The following NUP155 variants were observed in gnomAD, a reference collection of about 807,000 sequenced individuals.
NUP155 encodes nucleoporin 155.
A neutral mutation model predicts 180.4 loss-of-function variants in NUP155; 71 were observed. That is an observed-to-expected ratio of 0.39 (90% CI 0.33 to 0.48). The LOEUF (loss-of-function observed/expected upper bound fraction) is 0.48, where lower values mean the gene tolerates loss of function less well. Among genes scored for constraint, NUP155 ranks in the 20% least tolerant of loss-of-function variants. The pLI is 0.91. For missense variants in NUP155, 1,553 were observed against 1,648.9 expected, an observed-to-expected ratio of 0.94 and a Z score of 1.01; for synonymous variants, 582 against 559.5, an observed-to-expected ratio of 1.04 and a Z score of -0.57.
intron 9 of NUP155, among the ~76,000 whole-genome samples, chr5:37,346,758 A>G (rs1746119030): frequency 6.6e-6 from 1 of 152,146 alleles, no homozygotes; most frequent in Non-Finnish European, 1.5e-5. Context: ...GATTGTCTGA[A>G]GACTTGGCTT....
At chr5:37,350,295 TA>T in intron 6 of NUP155, 30 bp from the exon 7 acceptor site, 1 of 1,424,650 alleles carries the variant, frequency 7.0e-7, no homozygotes, top group Non-Finnish European at 9.9e-7. Context: ...AGACGACTTA[TA>T]AAAGTATGTA....
chr5:37,334,881 TCGG>T (rs1745217145), intron 12 of NUP155, among the ~76,000 whole-genome samples: 1 of 152,126 alleles, frequency 6.6e-6, no homozygotes, highest in African/African-American at 2.4e-5. Flanking sequence ...TTTTACTGGC[TCGG>T]CGAGGTGGCT....
In NUP155 at chr5:37,307,362, C is replaced by A; in HGVS notation, c.2838G>T (p.Gly946=). The A allele has an allele frequency of 6.2e-7, 1 of 1,613,910 alleles. No homozygotes were observed. Among genetic ancestry groups the A allele is most frequent in the South Asian group, 1.1e-5 (1 of 91,070 alleles). ...GTTCTCCATGTTTATAGAAATGAAG[C>A]CCAAGACCTTGAGGATCTTTTTTCT... The part of the protein sequence containing the change: ...AAEKKDPQGL[G]LHFYKHGEPE... The change falls in exon 25 of 35, where the codon GGG becomes GGT. Residue 946 remains glycine, a synonymous_variant. Transcript: ENST00000231498.
chr5:37,357,980 G>GA, intron 4 of NUP155, 101 bp downstream of exon 4: 1 of 824,178 alleles, frequency 1.2e-6, no homozygotes, highest in Non-Finnish European at 2.1e-6. Flanking sequence ...TCGATGGAAC[G>GA]AGACTCCATC....
intron 20 of NUP155, among the ~76,000 whole-genome samples, chr5:37,319,408 T>G (rs1250801695): frequency 1.3e-5 from 2 of 152,182 alleles, no homozygotes; most frequent in South Asian, 4.1e-4. Context: ...GTTATAGGAA[T>G]CCAAGGGTTG....
intron 4 of NUP155, 49 bp downstream of exon 4, chr5:37,358,032 G>A (rs777303239): frequency 2.2e-5 from 27 of 1,253,416 alleles, no homozygotes; most frequent in Non-Finnish European, 2.8e-5. Flanking sequence ...ATACCATTTG[G>A]AGTTTACATA....
At chr5:37,369,250 CA>C (rs756394343) in intron 1 of NUP155, among the ~76,000 whole-genome samples, 1 of 148,928 alleles carries the variant, frequency 6.7e-6, no homozygotes, top group Non-Finnish European at 1.5e-5. Flanking sequence ...GACCTTGACT[CA>C]AAAAAAAAGA....
rs1405851508 is a variant in NUP155 at position 37,290,011 on chromosome 5, T to G, written c.*1889A>C. On this transcript the variant is annotated 3_prime_UTR_variant, in exon 35 of 35. Coordinates refer to ENST00000231498, the MANE Select transcript of NUP155 (RefSeq NM_153485.3). Reference sequence around the variant, plus strand: ...CTATTAAATATTCTACATTAGAAGATTATAGGGAAAAGGGAGCTGAATTCT... The same window carrying G: ...CTATTAAATATTCTACATTAGAAGAGTATAGGGAAAAGGGAGCTGAATTCT... 6.6e-6 allele frequency: 1 copy of G among 152,134 alleles called. No homozygotes were observed. The highest frequency in any genetic ancestry group is 6.5e-5 in the Admixed American group (1 of 15,272). 9.4% of individuals were successfully genotyped at this position (152,134 alleles called of 1,614,324 possible). A position where few individuals can be genotyped will look rare whatever the true frequency, so the allele number is the denominator to read the frequency against.
Position 37,298,989 on chromosome 5 carries a change from A to T in NUP155, c.3683-11T>A. On this transcript the variant is annotated splice_polypyrimidine_tract_variant and intron_variant, in intron 31 of 34. Transcript: ENST00000231498. ...CACTGTCACTCAATTCTGTAACAAA[A>T]AGACATGTCATTTGAAACCCAAATT... 2.0e-6 allele frequency: 3 copies of T among 1,488,898 alleles called. No individual in the cohort carries two copies. The highest frequency in any genetic ancestry group is 2.8e-6 in the Non-Finnish European group (3 of 1,066,150). 92.2% of individuals were successfully genotyped at this position (1,488,898 alleles called of 1,614,324 possible).
chr5:37,343,239 TA>T (rs1180526327), intron 9 of NUP155, among the ~76,000 whole-genome samples: 2 of 151,982 alleles, frequency 1.3e-5, no homozygotes, highest in African/African-American at 2.4e-5. Context: ...CACACCTGGC[TA>T]ATTTTTTGTA....
At chr5:37,369,965 C>T (rs1309610329) in intron 1 of NUP155, among the ~76,000 whole-genome samples, 1 of 152,198 alleles carries the variant, frequency 6.6e-6, no homozygotes, top group Non-Finnish European at 1.5e-5. Context: ...ACATATTCTG[C>T]CTTACTCTCC....
intron 1 of NUP155, among the ~76,000 whole-genome samples, chr5:37,369,834 A>G (rs1296104446): frequency 6.6e-6 from 1 of 152,176 alleles, no homozygotes; most frequent in Non-Finnish European, 1.5e-5. Flanking sequence ...GTTTTCTCCA[A>G]ATTCCATCTC....
chr5:37,342,472 CTAA>C (rs1581186948), intron 10 of NUP155, 74 bp downstream of exon 10: 1 of 868,534 alleles, frequency 1.2e-6, no homozygotes, highest in East Asian at 2.6e-5. Flanking sequence ...AAATATATTT[CTAA>C]TAATAAATTT....
intron 13 of NUP155, 25 bp from the exon 14 acceptor site, chr5:37,331,820 G>T: frequency 1.4e-6 from 2 of 1,404,594 alleles, no homozygotes; most frequent in South Asian, 1.1e-5. Flanking sequence ...GAAAGAACAT[G>T]AACAAGAGAT....
chr5:37,310,325 CAAAT>C (rs999328746), intron 23 of NUP155, among the ~76,000 whole-genome samples: 5 of 151,962 alleles, frequency 3.3e-5, no homozygotes, highest in African/African-American at 1.2e-4. Context: ...AACCCTGTGT[CAAAT>C]AAATAAATAA....
intron 3 of NUP155, among the ~76,000 whole-genome samples, chr5:37,359,614 A>G (rs1212977796): frequency 1.3e-5 from 2 of 152,158 alleles, no homozygotes; most frequent in African/African-American, 4.8e-5. Context: ...AGACATGCCC[A>G]TTTCTAAGAA....
chr5:37,293,276 A>C (rs933250613), intron 33 of NUP155: 2 of 302,200 alleles, frequency 6.6e-6, no homozygotes, highest in Non-Finnish European at 1.2e-5. Flanking sequence ...TAAGAGAAAA[A>C]TCTTTCTTTC....
Position 37,305,117 on chromosome 5 carries a change from AG to A in NUP155, c.2996del (p.Pro999LeufsTer13). Reference sequence around the variant, plus strand: ...GATCAGATGACAACACTGGAGGACCAGGTTTTTTGGGTACACTGGGAGACTG... The same window carrying A: ...GATCAGATGACAACACTGGAGGACCAGTTTTTTGGGTACACTGGGAGACTG... ...APQSPSVPKK[P>X]GPPVLSSDPN... On this transcript the variant is annotated frameshift_variant, in exon 26 of 35. Transcript: ENST00000231498. LOFTEE classifies it high-confidence loss of function. 1 of 1,614,072 alleles carries A rather than the reference AG, an allele frequency of 6.2e-7. No individual in the cohort carries two copies. The highest frequency in any genetic ancestry group is 1.1e-5 in the South Asian group (1 of 91,078).
In NUP155 at chr5:37,364,364, T is replaced by G; in HGVS notation, c.178A>C (p.Met60Leu). ...SAPNNPTVSG[M>L]SDMDYPLQGP... is the part of the protein sequence containing the mutation. ...TGCAAAGGATAATCCATATCTGACA[T>G]GCCAGAAACGGTGGGATTATCTACA... Residue 60 changes from methionine (M) to leucine (L), a missense_variant, in exon 2 of 35, where the codon ATG (methionine) becomes CTG (leucine). Physicochemically the swap from Met to Leu is conservative, Grantham distance 15. Transcript: ENST00000231498. The G allele has an allele frequency of 6.2e-7, 1 of 1,612,176 alleles. No homozygotes were observed. Among genetic ancestry groups the G allele is most frequent in the Non-Finnish European group, 8.5e-7 (1 of 1,178,218 alleles).
Sources: allele counts gnomAD v4.1 joint callset (sites outside exome capture counted in the v4.1 genomes callset), GRCh38; gene constraint gnomAD v4.1.1; transcripts MANE v1.5; gene names NCBI Gene and HGNC (gene_info 2026-07-23, HGNC 2026-07-21).